ATG16L1: variants seen among roughly 807,000 people sequenced by gnomAD.
ATG16L1 encodes autophagy related 16 like 1, also known as autophagy-related protein 16-1.
In ATG16L1, 37 loss-of-function variants were observed where a neutral mutation model predicts 88.5. That is an observed-to-expected ratio of 0.42 (90% CI 0.32 to 0.55). ATG16L1 has a LOEUF of 0.55. Among genes scored for constraint, ATG16L1 ranks in the 20% least tolerant of loss-of-function variants. The pLI, the probability that ATG16L1 is intolerant of heterozygous loss-of-function variation, is 0.13. For missense variants in ATG16L1, 554 were observed against 752.8 expected (o/e 0.74, Z 3.09); for synonymous variants, 301 against 281.0 (o/e 1.07, Z -0.71).
rs755398098 is a variant in ATG16L1, at chr2:233,272,861, C to T, written c.708-105C>T. 3.0e-5 allele frequency: 29 copies of T among 962,830 alleles called. 1 individual carries two copies. Among genetic ancestry groups the T allele is most frequent in the Non-Finnish European group, 4.3e-5 (26 of 599,396 alleles). The allele number at this position is 962,830 out of a possible 1,614,324, so 59.6% of individuals were successfully genotyped here. ...AATCTTTAACGCATTGCTGTCATAG[C>T]CAAGTGGTTTAGGATCTAACTAGAA... On this transcript the variant is annotated intron_variant, in intron 6 of 17. Coordinates refer to ENST00000392017, the MANE Select transcript of ATG16L1 (RefSeq NM_030803.7).
intron 16 of ATG16L1, 67 bp from the exon 17 acceptor site, chr2:233,293,189 A>G (rs959731156): frequency 3.5e-5 from 48 of 1,360,924 alleles, no homozygotes; most frequent in Middle Eastern, 1.8e-4. Context: ...CTTGGGAAAA[A>G]GGCCACAGAG....
At chr2:233,293,796 C>T (rs952852778) in intron 17 of ATG16L1, among the ~76,000 whole-genome samples, 1 of 152,190 alleles carries the variant, frequency 6.6e-6, no homozygotes, top group African/African-American at 2.4e-5. Context: ...CCCCAGACCC[C>T]CTTTTTTCCT....
At chr2:233,271,514 G>A (rs1006358201) in intron 6 of ATG16L1, among the ~76,000 whole-genome samples, 1 of 152,194 alleles carries the variant, frequency 6.6e-6, no homozygotes, top group Non-Finnish European at 1.5e-5. Flanking sequence ...CTGACTTCAG[G>A]TGATCTGCCC....
At chr2:233,289,376 G>GGGGTGTGTGTGTGTGTGT (rs757994844) in intron 12 of ATG16L1, among the ~76,000 whole-genome samples, 1 of 55,226 alleles carries the variant, frequency 1.8e-5, no homozygotes, top group Non-Finnish European at 4.6e-5. Context: ...TCCTGTTTGG[G>GGGGTGTGTGTGTGTGTGT]ATGTGTGTGT....
At chr2:233,292,333 A>G (rs1212705908) in intron 15 of ATG16L1, 54 bp from the exon 16 acceptor site, 21 of 1,580,032 alleles carry the variant, frequency 1.3e-5, no homozygotes, top group Non-Finnish European at 1.8e-5. Context: ...TGCTCTCTTA[A>G]CGTGCTGCGT....
At chr2:233,294,132 A>C in intron 17 of ATG16L1, 125 bp from the exon 18 acceptor site, 1 of 697,334 alleles carries the variant, frequency 1.4e-6, no homozygotes, top group Non-Finnish European at 2.3e-6. Context: ...GCACAGTGCC[A>C]GAGAGTAAAA....
chr2:233,289,622 G>A (rs1330785415), intron 12 of ATG16L1, among the ~76,000 whole-genome samples: 1 of 152,142 alleles, frequency 6.6e-6, no homozygotes, highest in East Asian at 1.9e-4. Flanking sequence ...GAACTCCTGG[G>A]CTCAAGCAGT....
At chr2:233,282,996 C>G (rs1176973584) in intron 12 of ATG16L1, 1 of 449,912 alleles carries the variant, frequency 2.2e-6, no homozygotes, top group Non-Finnish European at 4.1e-6. Context: ...GAATACTCTT[C>G]ATAAGGACTA....
At chr2:233,264,773 T>C in intron 4 of ATG16L1, 119 bp from the exon 5 acceptor site, 1 of 1,330,616 alleles carries the variant, frequency 7.5e-7, no homozygotes, top group Non-Finnish European at 1.0e-6. Flanking sequence ...ACCATGGGGA[T>C]GGGCCTGGCT....
At chr2:233,277,511 A>G in intron 9 of ATG16L1, 57 bp from the exon 10 acceptor site, 4 of 1,521,274 alleles carry the variant, frequency 2.6e-6, no homozygotes, top group South Asian at 2.2e-5. Flanking sequence ...GTGTTCGCGC[A>G]TCTTGAGCTC....
chr2:233,292,026 G>T (rs893326896), intron 14 of ATG16L1, 102 bp from the exon 15 acceptor site: 3 of 1,376,228 alleles, frequency 2.2e-6, no homozygotes, highest in Non-Finnish European at 3.0e-6. Context: ...CTGGCAGAGC[G>T]TTGCATGCTA....
At chr2:233,278,088 T>G (rs2241876) in intron 10 of ATG16L1, among the ~76,000 whole-genome samples, 103,690 of 152,052 alleles carry the variant, frequency 0.68, 35,632 homozygotes, top group South Asian at 0.79. Flanking sequence ...TAATGACAAT[T>G]GCAATAGCCT....
intron 4 of ATG16L1, 45 bp downstream of exon 4, chr2:233,264,110 A>G (rs1338739793): frequency 1.2e-5 from 20 of 1,603,984 alleles, no homozygotes; most frequent in East Asian, 2.2e-5. Context: ...ATTGGGTCCC[A>G]TGTCCTTTGT....
chr2:233,289,377 ATGTGTGTGTGTGTG>A (rs56993445), intron 12 of ATG16L1, among the ~76,000 whole-genome samples: 5 of 129,060 alleles, frequency 3.9e-5, no homozygotes, highest in African/African-American at 1.2e-4. Context: ...CCTGTTTGGG[ATGTGTGTGTGTGTG>A]TGTGTGTGTG....
chr2:233,290,108 G>T, intron 13 of ATG16L1, 134 bp downstream of exon 13: 1 of 1,504,824 alleles, frequency 6.6e-7, no homozygotes. Context: ...GAGGGGCACT[G>T]AGGATAGTGA....
intron 3 of ATG16L1, among the ~76,000 whole-genome samples, chr2:233,263,540 G>C (rs1015377117): frequency 4.6e-5 from 7 of 152,134 alleles, no homozygotes; most frequent in Non-Finnish European, 8.8e-5. Context: ...TGCGCTGAAG[G>C]CCTCACTGAT....
At chr2:233,270,255 T>C (rs2125240549) in intron 6 of ATG16L1, among the ~76,000 whole-genome samples, 188 bp downstream of exon 6, 1 of 152,246 alleles carries the variant, frequency 6.6e-6, no homozygotes, top group South Asian at 2.1e-4. Context: ...TTACAGATTT[T>C]AGAAAGAAAA....
intron 12 of ATG16L1, among the ~76,000 whole-genome samples, chr2:233,284,264 C>T (rs1247800437): frequency 2.0e-5 from 3 of 152,078 alleles, no homozygotes; most frequent in African/African-American, 7.2e-5. Context: ...TCTCCTTCCT[C>T]AGCCTCCCAA....
intron 3 of ATG16L1, among the ~76,000 whole-genome samples, chr2:233,263,449 G>A (rs1232446784): frequency 1.3e-5 from 2 of 152,140 alleles, no homozygotes; most frequent in Admixed American, 6.5e-5. Flanking sequence ...CTGTGAGAGC[G>A]CTGCCAGTTA....
Sources: allele counts gnomAD v4.1 joint callset (sites outside exome capture counted in the v4.1 genomes callset), GRCh38; gene constraint gnomAD v4.1.1; transcripts MANE v1.5; gene names NCBI Gene and HGNC (gene_info 2026-07-23, HGNC 2026-07-21).